MTBP: variants seen among roughly 807,000 people sequenced by gnomAD.
MTBP encodes the protein mdm2-binding protein.
A neutral mutation model predicts 117.0 loss-of-function variants in MTBP; 101 were observed. The observed-to-expected ratio is 0.86, with a 90% confidence interval of 0.73 to 1.02. The LOEUF is 1.02. Among genes scored for constraint, MTBP ranks in the 50% least tolerant of loss-of-function variants. The probability of loss-of-function intolerance (pLI) is 0.00; values close to 1 mark genes in which losing one functional copy is unlikely to be tolerated. For synonymous variants in MTBP, 350 were observed against 351.5 expected, an observed-to-expected ratio of 1.00 and a Z score of 0.05; for missense variants, 970 against 1,030.9, an observed-to-expected ratio of 0.94 and a Z score of 0.81.
intron 1 of MTBP, among the ~76,000 whole-genome samples, chr8:120,446,069 AC>A (rs1487403020): frequency 6.6e-6 from 1 of 152,174 alleles, no homozygotes; most frequent in African/African-American, 2.4e-5. Flanking sequence ...TTTTTGGTGC[AC>A]CCGTCTAGAT....
At chr8:120,509,130 T>G (rs995692421) in intron 16 of MTBP, among the ~76,000 whole-genome samples, 1 of 152,166 alleles carries the variant, frequency 6.6e-6, no homozygotes, top group Non-Finnish European at 1.5e-5. Flanking sequence ...TTAAAGTAGG[T>G]GCCAGTGACT....
rs753148374 is a variant in MTBP at position 120,497,399 on chromosome 8, G to A, written c.1454G>A (p.Arg485Gln). 2 of 1,603,770 alleles carry A rather than the reference G, an allele frequency of 1.2e-6. No homozygotes were observed. Among genetic ancestry groups the A allele is most frequent in the Non-Finnish European group, 1.7e-6 (2 of 1,176,902 alleles). Residue 485 changes from arginine to glutamine, a missense_variant, in exon 14 of 22, where the codon CGA becomes CAA. Coordinates refer to ENST00000305949, the MANE Select transcript of MTBP (RefSeq NM_022045.5). ...VLALEECLKRRKLAKQPETVS... is the reference protein window; with the variant it reads ...VLALEECLKRQKLAKQPETVS... The stretch of plus-strand genomic sequence containing the variant: ...GTATTGATTTGTCTTATAGAAAGAC[G>A]AAAGTTGGCAAAGCAGCCTGAAACA...
Position 120,516,204 on chromosome 8 carries a change from A to G in MTBP, c.2246+13A>G. On this transcript the variant is annotated intron_variant, in intron 18 of 21. Coordinates refer to ENST00000305949, the MANE Select transcript of MTBP (RefSeq NM_022045.5). Reference sequence around the variant, plus strand: ...ATCCCAGAAAAAGGTGATATATTACATGCACATAAATAGTATATTGACAGA... The same window carrying G: ...ATCCCAGAAAAAGGTGATATATTACGTGCACATAAATAGTATATTGACAGA... The G allele has an allele frequency of 6.3e-7, 1 of 1,587,756 alleles. No homozygotes were observed. Among genetic ancestry groups the G allele is most frequent in the Non-Finnish European group, 8.6e-7 (1 of 1,160,190 alleles).
chr8:120,512,590 A>G (rs537540802), intron 17 of MTBP, among the ~76,000 whole-genome samples: 2 of 152,280 alleles, frequency 1.3e-5, no homozygotes, highest in South Asian at 2.1e-4. Context: ...TTAAATCTAC[A>G]CAGAGCTTTA....
At chr8:120,516,261 T>A in intron 18 of MTBP, 70 bp downstream of exon 18, 1 of 1,300,944 alleles carries the variant, frequency 7.7e-7, no homozygotes, top group Non-Finnish European at 1.0e-6. Flanking sequence ...TTTTATTTTA[T>A]TTTATATTAG....
At chr8:120,475,070 T>C (rs1001854451) in intron 11 of MTBP, among the ~76,000 whole-genome samples, 11 of 151,138 alleles carry the variant, frequency 7.3e-5, no homozygotes, top group Admixed American at 2.6e-4. Context: ...AACAAAATCC[T>C]TTCCCTAATG....
At chr8:120,461,631 C>G (rs1463135166) in intron 9 of MTBP, among the ~76,000 whole-genome samples, 1 of 152,168 alleles carries the variant, frequency 6.6e-6, no homozygotes, top group Non-Finnish European at 1.5e-5. Flanking sequence ...CTGATCTACT[C>G]TCACACCTAG....
intron 12 of MTBP, 37 bp from the exon 13 acceptor site, chr8:120,490,426 T>A: frequency 7.8e-7 from 1 of 1,274,476 alleles, no homozygotes; most frequent in South Asian, 1.3e-5. Context: ...GCAAAGGGCA[T>A]CATTAATGTT....
In MTBP at chr8:120,494,044, T is replaced by G. The variant is rs367706232; in HGVS notation, c.1448-3349T>G. 3.9e-5 allele frequency among the ~76,000 whole-genome samples: 6 copies of G among 152,206 alleles called. No individual in the cohort carries two copies. The South Asian group carries it at 1.0e-3, about 26-fold the overall frequency. The stretch of plus-strand genomic sequence containing the variant: ...GATTGTGGAAGGAATGTTAGTTATC[T>G]TGGGTCAGATTTGGAAGGACCCTAC... On this transcript the variant is annotated intron_variant, in intron 13 of 21. Coordinates refer to ENST00000305949, the MANE Select transcript of MTBP (RefSeq NM_022045.5).
intron 12 of MTBP, among the ~76,000 whole-genome samples, chr8:120,489,186 G>A (rs1330664389): frequency 3.3e-5 from 5 of 151,860 alleles, no homozygotes; most frequent in Non-Finnish European, 4.4e-5. Flanking sequence ...CTACAGGTGT[G>A]CACCACCATG....
chr8:120,503,304 G>T (rs943286036), intron 15 of MTBP, among the ~76,000 whole-genome samples: 1 of 152,158 alleles, frequency 6.6e-6, no homozygotes, highest in East Asian at 1.9e-4. Context: ...AACAAGCTGT[G>T]CACTGCCCCT....
intron 17 of MTBP, among the ~76,000 whole-genome samples, chr8:120,514,358 T>A (rs1184251079): frequency 6.6e-6 from 1 of 152,060 alleles, no homozygotes; most frequent in African/African-American, 2.4e-5. Flanking sequence ...TTAATCTACA[T>A]CTTTCCATAA....
chr8:120,481,628 T>C (rs1438044651), intron 11 of MTBP, among the ~76,000 whole-genome samples: 1 of 152,184 alleles, frequency 6.6e-6, no homozygotes, highest in African/African-American at 2.4e-5. Flanking sequence ...AGATCAATGG[T>C]TGTCTGAGGC....
chr8:120,505,901 A>G (rs1003398514), intron 15 of MTBP, among the ~76,000 whole-genome samples: 1 of 152,170 alleles, frequency 6.6e-6, no homozygotes, highest in African/African-American at 2.4e-5. Flanking sequence ...GTCTGGTTCT[A>G]TCATTTTAAA....
intron 11 of MTBP, chr8:120,472,862 G>C (rs1813849661): frequency 6.6e-6 from 1 of 152,150 alleles, no homozygotes; most frequent in African/African-American, 2.4e-5. Context: ...GTCTACCATA[G>C]GTGCCTGTAA....
chr8:120,515,999 A>G lies in MTBP; in HGVS notation c.2054A>G (p.Tyr685Cys), dbSNP rs751682654. ...GAACTTCAGTCTCGTCTTATTCGTT[A>G]TGAAACTCAAACTACCTGCACCAGA... ...FSELQSRLIR[Y>C]ETQTTCTRES... The change falls in exon 18 of 22, where the codon TAT becomes TGT. Residue 685 changes from tyrosine (Y) to cysteine (C), a missense_variant. By Grantham distance (194) the Tyr-to-Cys change is radical. Transcript: ENST00000305949. 2.5e-6 allele frequency: 4 copies of G among 1,612,974 alleles called. No homozygotes were observed. Among genetic ancestry groups the G allele is most frequent in the African/African-American group, 1.3e-5 (1 of 74,862 alleles).
intron 10 of MTBP, among the ~76,000 whole-genome samples, chr8:120,469,637 A>C (rs1225913636): frequency 1.3e-5 from 2 of 152,230 alleles, no homozygotes; most frequent in Non-Finnish European, 2.9e-5. Flanking sequence ...TTTGAACTCG[A>C]ATAAGAAAAT....
In MTBP at chr8:120,445,598, G is replaced by C; in HGVS notation, c.118+10G>C. On this transcript the variant is annotated intron_variant, in intron 1 of 21. Transcript: ENST00000305949. The stretch of plus-strand genomic sequence containing the variant: ...ACTGAGAATCAGCCGGGTAAGCGCT[G>C]GGATGAGAAAGAGCGGGAACGGCTT... The C allele has an allele frequency of 6.3e-7, 1 of 1,595,132 alleles. No homozygotes were observed. Among genetic ancestry groups the C allele is most frequent in the South Asian group, 1.1e-5 (1 of 89,784 alleles).
chr8:120,469,588 G>C (rs551984941), intron 10 of MTBP, among the ~76,000 whole-genome samples: 4 of 152,140 alleles, frequency 2.6e-5, no homozygotes, highest in Non-Finnish European at 5.9e-5. Flanking sequence ...GGCCAAATGC[G>C]TTGATGTTGC....
Sources: gnomAD v4.1 joint callset for allele counts (sites outside exome capture counted in the v4.1 genomes callset) on GRCh38, gnomAD v4.1.1 for gene constraint, MANE v1.5 for transcripts, NCBI Gene and HGNC (gene_info 2026-07-23, HGNC 2026-07-21) for gene names.